DTYMK: variants seen among roughly 807,000 people sequenced by gnomAD.
DTYMK encodes the protein thymidylate kinase.
In DTYMK, 20 loss-of-function variants were observed where a neutral mutation model predicts 20.3. The observed-to-expected ratio is 0.99, with a 90% CI of 0.69 to 1.43. The LOEUF (loss-of-function observed/expected upper bound fraction) is 1.43, where lower values mean the gene tolerates loss of function less well. Among genes scored for constraint, DTYMK ranks in the 40% most tolerant of loss-of-function variants. DTYMK has a pLI of 0.00. For missense variants in DTYMK, 320 were observed against 291.1 expected, an observed-to-expected ratio of 1.10 and a Z score of -0.72; for synonymous variants, 148 against 124.4, an observed-to-expected ratio of 1.19 and a Z score of -1.27.
intron 2 of DTYMK, 50 bp downstream of exon 2, chr2:241,685,719 G>A: frequency 6.4e-7 from 1 of 1,562,630 alleles, no homozygotes; most frequent in Non-Finnish European, 8.8e-7. Context: ...TGAATCTCAG[G>A]AGGAAGGAAA....
chr2:241,683,722 A>G (rs2069315919), intron 2 of DTYMK, among the ~76,000 whole-genome samples: 1 of 152,214 alleles, frequency 6.6e-6, no homozygotes, highest in Non-Finnish European at 1.5e-5. Context: ...GTAATGAACT[A>G]TGGTACATCC....
intron 4 of DTYMK, 54 bp downstream of exon 4, chr2:241,678,398 G>A (rs1191111709): frequency 3.1e-6 from 5 of 1,608,330 alleles, no homozygotes; most frequent in African/African-American, 1.3e-5. Context: ...CCACCACGGT[G>A]TCATCCTGAG....
chr2:241,683,928 G>A (rs757283256), intron 2 of DTYMK, among the ~76,000 whole-genome samples: 44 of 152,090 alleles, frequency 2.9e-4, no homozygotes, highest in African/African-American at 8.9e-4. Context: ...ATGGTCGTAC[G>A]CGCCTGTAAT....
In DTYMK at chr2:241,680,325, A is replaced by G. The variant is rs1287667325; in HGVS notation, c.240-6T>C. 1 of 1,613,916 alleles carries G rather than the reference A, an allele frequency of 6.2e-7. No homozygotes were observed. The highest frequency in any genetic ancestry group is 8.5e-7 in the Non-Finnish European group (1 of 1,179,944). On this transcript the variant is annotated splice_region_variant and splice_polypyrimidine_tract_variant and intron_variant, in intron 2 of 4. Transcript: ENST00000305784. ...ACTTTTCCTTAATTAACGGCCTGAAAAAGAGGATGCTCCTGAGCCCTGGTC... is the reference window on the plus strand; with the variant it reads ...ACTTTTCCTTAATTAACGGCCTGAAGAAGAGGATGCTCCTGAGCCCTGGTC...
At chr2:241,682,280 G>T (rs2069273484) in intron 2 of DTYMK, 1 of 453,598 alleles carries the variant, frequency 2.2e-6, no homozygotes, top group South Asian at 1.6e-5. Flanking sequence ...GGTCGAGGCT[G>T]CAGTAAGCTG....
At chr2:241,684,739 G>T (rs1010997611) in intron 2 of DTYMK, 6 of 467,428 alleles carry the variant, frequency 1.3e-5, no homozygotes, top group Non-Finnish European at 2.2e-5. Flanking sequence ...GTTGAATGAA[G>T]AGGAAACCTA....
In DTYMK at chr2:241,685,866, C is replaced by A; in HGVS notation, c.142G>T (p.Glu48Ter). ...ELLRFPERST[E>*]IGKLLSSYLQ... Reference sequence around the variant, plus strand: ...TAGGAACTCAGAAGTTTGCCGATTTCAGTTGATCTTTCTAGAAAAAAAGAG... The same window carrying A: ...TAGGAACTCAGAAGTTTGCCGATTTAAGTTGATCTTTCTAGAAAAAAAGAG... The change falls in exon 2 of 5, where the codon GAA (glutamate) becomes TAA (stop). Residue 48 changes from glutamate (E) to a stop codon, truncating the protein, a stop_gained. Coordinates refer to ENST00000305784, the MANE Select transcript of DTYMK (RefSeq NM_012145.4). LOFTEE classifies it high-confidence loss of function. The A allele has an allele frequency of 6.2e-7, 1 of 1,614,078 alleles. No individual in the cohort carries two copies. The highest frequency in any genetic ancestry group is 1.7e-5 in the Admixed American group (1 of 60,010).
In DTYMK at chr2:241,686,658, G is replaced by A. The variant is rs979390866; in HGVS notation, c.126C>T (p.Phe42=). 4 of 1,517,010 alleles carry A rather than the reference G, an allele frequency of 2.6e-6. No homozygotes were observed. Among genetic ancestry groups the A allele is most frequent in the Admixed American group, 2.1e-5 (1 of 46,546 alleles). 94.0% of individuals were successfully genotyped at this position (1,517,010 alleles called of 1,614,324 possible). A position where few individuals can be genotyped will look rare whatever the true frequency, so the allele number is the denominator to read the frequency against. The change falls in exon 1 of 5, where the codon TTC becomes TTT. Residue 42 remains phenylalanine (F), a synonymous_variant. Transcript: ENST00000305784. ...CCCCCCGCCGCGCGCACCCACCCGG[G>A]AACCGGAGCAGTTCGGCGCGGTGGC... The part of the protein sequence containing the change: ...AAGHRAELLR[F]PERSTEIGKL...
intron 4 of DTYMK, 67 bp from the exon 5 acceptor site, chr2:241,676,304 C>A: frequency 6.9e-7 from 1 of 1,459,496 alleles, no homozygotes; most frequent in South Asian, 1.2e-5. Flanking sequence ...TCACGGGAGC[C>A]CACGCCTGTA....
chr2:241,685,132 G>T (rs1347324976), intron 2 of DTYMK: 1 of 157,594 alleles, frequency 6.3e-6, no homozygotes, highest in East Asian at 1.9e-4. Context: ...CTAGGAAGTT[G>T]AGGCTGCAGT....
chr2:241,683,858 G>A (rs2069318577), intron 2 of DTYMK, among the ~76,000 whole-genome samples: 1 of 152,158 alleles, frequency 6.6e-6, no homozygotes, highest in African/African-American at 2.4e-5. Context: ...AGGAGTTCAA[G>A]ACCACCCTGG....
At position 241,676,339 on chromosome 2, in the gene DTYMK, G is replaced by A. The variant is rs1344348786; in HGVS notation, c.529-102C>T. 1.0e-5 allele frequency: 11 copies of A among 1,067,922 alleles called. 1 individual carries two copies. Among genetic ancestry groups the A allele is most frequent in the South Asian group, 1.4e-5 (1 of 70,820 alleles). 66.2% of individuals were successfully genotyped at this position (1,067,922 alleles called of 1,614,324 possible). A position where few individuals can be genotyped will look rare whatever the true frequency, so the allele number is the denominator to read the frequency against. ...AATCCCAGCACTTTGGGAGGCCCAC[G>A]AGGGAGGACTGCTTGTACCCAGGAG... On this transcript the variant is annotated intron_variant, in intron 4 of 4. Transcript: ENST00000305784.
chr2:241,684,869 G>C, intron 2 of DTYMK: 1 of 399,114 alleles, frequency 2.5e-6, no homozygotes, highest in Admixed American at 3.4e-5. Flanking sequence ...TAAATAATGG[G>C]GAAGGGGGGA....
At chr2:241,686,506 C>T (rs1559290060) in intron 1 of DTYMK, 148 bp downstream of exon 1, 5 of 1,276,124 alleles carry the variant, frequency 3.9e-6, no homozygotes, top group Non-Finnish European at 5.0e-6. Flanking sequence ...TGCACTCCAG[C>T]CTGGGCGACA....
chr2:241,685,997 A>C lies in DTYMK; in HGVS notation c.131-120T>G. ...TCTCACGTTGAATTTTACTTTACTA[A>C]ATCTCTAGACAGGCTTGGATCTTCT... On this transcript the variant is annotated intron_variant, in intron 1 of 4. Transcript: ENST00000305784. The C allele has an allele frequency of 2.9e-6, 3 of 1,035,136 alleles. No homozygotes were observed. The South Asian group carries it at 4.6e-5, about 16-fold the overall frequency. The allele number at this position is 1,035,136 out of a possible 1,614,324, so 64.1% of individuals were successfully genotyped here.
At position 241,686,806 on chromosome 2, in the gene DTYMK, G is replaced by T. The variant is rs1235602977; in HGVS notation, c.-23C>A. Reference sequence around the variant, plus strand: ...CATGACTGTCCACCGCCCGCCGCTGGCGTCTCCACGCAGCCTTCCGGAGCT... The same window carrying T: ...CATGACTGTCCACCGCCCGCCGCTGTCGTCTCCACGCAGCCTTCCGGAGCT... On this transcript the variant is annotated 5_prime_UTR_variant, in exon 1 of 5. Transcript: ENST00000305784. The T allele has an allele frequency of 1.1e-5, 16 of 1,440,766 alleles. No homozygotes were observed. The highest frequency in any genetic ancestry group is 1.4e-5 in the Non-Finnish European group (16 of 1,108,002). 89.2% of individuals were successfully genotyped at this position (1,440,766 alleles called of 1,614,324 possible).
intron 4 of DTYMK, 95 bp downstream of exon 4, chr2:241,678,357 G>A (rs376389300): frequency 3.2e-6 from 5 of 1,543,970 alleles, no homozygotes; most frequent in Middle Eastern, 2.3e-4. Context: ...AGACGGAAAC[G>A]GCAGCAGCTT....
At position 241,680,257 on chromosome 2, in the gene DTYMK, G is replaced by C. The variant is rs2069211551; in HGVS notation, c.302C>G (p.Ser101Cys). The C allele has an allele frequency of 1.9e-6, 3 of 1,614,062 alleles. No individual in the cohort carries two copies. In the Admixed American group the frequency reaches 5.0e-5, roughly 27 times the overall value. Residue 101 changes from serine (S) to cysteine (C), a missense_variant, in exon 3 of 5, where the codon TCT becomes TGT. Transcript: ENST00000305784. Reference sequence around the variant, plus strand: ...CTTGGCACCGGTGAAGGCCACACCAGAAAATGCGTATCTGTCCACGACGAG... The same window carrying C: ...CTTGGCACCGGTGAAGGCCACACCACAAAATGCGTATCTGTCCACGACGAG... ...VTLVVDRYAF[S>C]GVAFTGAKEN...
At chr2:241,685,416 C>G (rs182688946) in intron 2 of DTYMK, 122 of 173,762 alleles carry the variant, frequency 7.0e-4, no homozygotes, top group African/African-American at 2.8e-3. Flanking sequence ...GCCTGTAGTC[C>G]CAGCTACTCG....
Sources: gnomAD v4.1 joint callset for allele counts (sites outside exome capture counted in the v4.1 genomes callset) on GRCh38, gnomAD v4.1.1 for gene constraint, MANE v1.5 for transcripts, NCBI Gene and HGNC (gene_info 2026-07-23, HGNC 2026-07-21) for gene names.